Variants in INPP4A observed in about 807,000 individuals in gnomAD.
The protein encoded by INPP4A is inositol polyphosphate-4-phosphatase type I A.
In INPP4A, 33 loss-of-function variants were observed where a neutral mutation model predicts 119.8. The observed-to-expected ratio is 0.28, with a 90% CI of 0.21 to 0.37. The LOEUF is 0.37. Among genes scored for constraint, INPP4A ranks in the 10% least tolerant of loss-of-function variants. INPP4A has a pLI of 1.00. For synonymous variants in INPP4A, 496 were observed against 500.7 expected, an observed-to-expected ratio of 0.99 and a Z score of 0.12; for missense variants, 956 against 1,289.9, an observed-to-expected ratio of 0.74 and a Z score of 3.97.
chr2:98,471,145 G>T (rs1558895950), intron 1 of INPP4A, among the ~76,000 whole-genome samples: 1 of 152,162 alleles, frequency 6.6e-6, no homozygotes, highest in Non-Finnish European at 1.5e-5. Flanking sequence ...GGTGCCTCCT[G>T]TGTATATGAG....
intron 13 of INPP4A, among the ~76,000 whole-genome samples, chr2:98,549,462 G>A (rs540643217): frequency 6.6e-6 from 1 of 152,298 alleles, no homozygotes; most frequent in East Asian, 1.9e-4. Context: ...TTTTACCCCT[G>A]GGGGTGGGTA....
intron 1 of INPP4A, among the ~76,000 whole-genome samples, chr2:98,481,545 G>A (rs948470701): frequency 1.3e-5 from 2 of 152,132 alleles, no homozygotes; most frequent in African/African-American, 4.8e-5. Flanking sequence ...TATCTGAAGT[G>A]GTTTTAGATA....
intron 10 of INPP4A, among the ~76,000 whole-genome samples, chr2:98,542,648 T>G (rs986692340): frequency 2.0e-5 from 3 of 152,230 alleles, no homozygotes; most frequent in Admixed American, 1.3e-4. Context: ...TTTTCCTAAT[T>G]TGGTTATGCT....
intron 7 of INPP4A, 97 bp downstream of exon 7, chr2:98,536,305 T>C: frequency 1.3e-6 from 1 of 747,018 alleles, no homozygotes; most frequent in Non-Finnish European, 2.4e-6. Flanking sequence ...GAGAGCACCC[T>C]TCCCTTCCCA....
chr2:98,456,992 G>T (rs1355450970), intron 1 of INPP4A, among the ~76,000 whole-genome samples: 1 of 152,166 alleles, frequency 6.6e-6, no homozygotes, highest in Non-Finnish European at 1.5e-5. Flanking sequence ...ATGGTGAGTG[G>T]GTGGGTTTTT....
chr2:98,465,275 C>A (rs970316017), intron 1 of INPP4A, among the ~76,000 whole-genome samples: 15 of 152,272 alleles, frequency 9.9e-5, no homozygotes, highest in African/African-American at 3.6e-4. Flanking sequence ...GGCTGCCGGC[C>A]CCTTCCTCAT....
rs79736957 is a variant in INPP4A at position 98,560,005 on chromosome 2, A to G, written c.1855+510A>G. On this transcript the variant is annotated intron_variant, in intron 17 of 24. Transcript: ENST00000409851. Reference sequence around the variant, plus strand: ...ATAAATAATGTTTTGTTAGAAACCAACCTTGCCCACTTGTTCATGTATTGT... The same window carrying G: ...ATAAATAATGTTTTGTTAGAAACCAGCCTTGCCCACTTGTTCATGTATTGT... Among the ~76,000 whole-genome samples, 52 of 152,364 alleles carry G rather than the reference A, an allele frequency of 3.4e-4. No homozygotes were observed. In the East Asian group the frequency reaches 7.1e-3, roughly 21 times the overall value.
chr2:98,498,094 T>C (rs1157001293), intron 1 of INPP4A, among the ~76,000 whole-genome samples: 1 of 152,184 alleles, frequency 6.6e-6, no homozygotes, highest in South Asian at 2.1e-4. Context: ...GAAGGCATGA[T>C]TGGTTTTGAA....
intron 1 of INPP4A, among the ~76,000 whole-genome samples, chr2:98,517,639 G>T (rs1686401162): frequency 6.6e-6 from 1 of 152,144 alleles, no homozygotes; most frequent in Non-Finnish European, 1.5e-5. Flanking sequence ...GCTTTATTAT[G>T]ATCATTTTGA....
Position 98,555,659 on chromosome 2 carries a change from T to C in INPP4A, c.1673T>C (p.Phe558Ser), listed in dbSNP as rs1157091075. ...CATGGCGAGGGCTGTGAGGATGTCT[T>C]CCCCTGTGCAGGCAGCTGCACCAGC... ...RLHGEGCEDVFPCAGSCTSKK... is the reference protein window; with the variant it reads ...RLHGEGCEDVSPCAGSCTSKK... The change falls in exon 16 of 25, where the codon TTC becomes TCC. Residue 558 changes from phenylalanine (F) to serine (S), a missense_variant. Physicochemically the swap from Phe to Ser is radical, Grantham distance 155. Coordinates refer to ENST00000409851, the MANE Select transcript of INPP4A (RefSeq NM_001134225.2). The C allele has an allele frequency of 6.2e-7, 1 of 1,613,938 alleles. No homozygotes were observed. The highest frequency in any genetic ancestry group is 1.7e-5 in the Admixed American group (1 of 60,018).
At chr2:98,445,300 C>T (rs976684584) in intron 1 of INPP4A, among the ~76,000 whole-genome samples, 3 of 152,048 alleles carry the variant, frequency 2.0e-5, no homozygotes, top group African/African-American at 7.2e-5. Flanking sequence ...CCCCCAGCCC[C>T]GTGAAGACGC....
At chr2:98,499,538 T>C (rs1278474460) in intron 1 of INPP4A, among the ~76,000 whole-genome samples, 1 of 152,260 alleles carries the variant, frequency 6.6e-6, no homozygotes, top group African/African-American at 2.4e-5. Context: ...CTCCAAAATT[T>C]ATGCCTTAAA....
At chr2:98,548,694 A>G (rs1282824659) in intron 13 of INPP4A, among the ~76,000 whole-genome samples, 1 of 152,164 alleles carries the variant, frequency 6.6e-6, no homozygotes, top group African/African-American at 2.4e-5. Flanking sequence ...TATGGTATTC[A>G]TGATTTGAAC....
rs1477374351 is a variant in INPP4A at position 98,581,529 on chromosome 2, C to CT, written c.2786+4389dup. The CT allele has an allele frequency of 2.0e-6, 3 of 1,476,166 alleles. No homozygotes were observed. In the Admixed American group the frequency reaches 9.2e-5, roughly 45 times the overall value. The allele number at this position is 1,476,166 out of a possible 1,614,324, so 91.4% of individuals were successfully genotyped here. On this transcript the variant is annotated intron_variant, in intron 24 of 24. Transcript: ENST00000409851. ...CTTCTTTTTTTCTTTATTTTCTTTC[C>CT]TTTCCTTTTTCCTTTTTCTTTCTCC...
At chr2:98,493,733 G>A (rs1376049608) in intron 1 of INPP4A, among the ~76,000 whole-genome samples, 3 of 152,128 alleles carry the variant, frequency 2.0e-5, no homozygotes, top group Admixed American at 2.0e-4. Context: ...TGGGGAGGCA[G>A]AACTCTACAT....
In INPP4A at chr2:98,556,978, T is replaced by C. The variant is rs140677549; in HGVS notation, c.1822+1170T>C. Reference sequence around the variant, plus strand: ...ATGTGAATCGTGTTCCTTTTTAAAATTTTCTGAAAATTCATTGTTTATTTC... The same window carrying C: ...ATGTGAATCGTGTTCCTTTTTAAAACTTTCTGAAAATTCATTGTTTATTTC... On this transcript the variant is annotated intron_variant, in intron 16 of 24. Coordinates refer to ENST00000409851, the MANE Select transcript of INPP4A (RefSeq NM_001134225.2). 2.3e-3 allele frequency among the ~76,000 whole-genome samples: 344 copies of C among 152,360 alleles called. 2 individuals are homozygous for C. The highest frequency in any genetic ancestry group is 7.9e-3 in the African/African-American group (330 of 41,592).
rs1575212237 is a variant in INPP4A, at chr2:98,589,209, G to C, written c.*1601G>C. On this transcript the variant is annotated 3_prime_UTR_variant, in exon 25 of 25. Transcript: ENST00000409851. ...AAAGCTGAGTTCACTGTGGCAGGCA[G>C]GAAGCAGAGAAGCTCCTGCCCGCCA... 1.1e-5 allele frequency: 2 copies of C among 180,364 alleles called. No individual in the cohort carries two copies. The highest frequency in any genetic ancestry group is 1.8e-4 in the East Asian group (2 of 10,944). The allele number at this position is 180,364 out of a possible 1,614,324, so 11.2% of individuals were successfully genotyped here. A position where few individuals can be genotyped will look rare whatever the true frequency, so the allele number is the denominator to read the frequency against.
chr2:98,541,421 CTATA>C (rs1415902684), intron 10 of INPP4A, among the ~76,000 whole-genome samples: 2 of 151,816 alleles, frequency 1.3e-5, no homozygotes, highest in Non-Finnish European at 2.9e-5. Context: ...ATTGCTTTCT[CTATA>C]TATGCACATA....
rs572891192 is a variant in INPP4A at position 98,463,784 on chromosome 2, G to GT, written c.-166+18699_-166+18700insT. 7.7e-3 allele frequency among the ~76,000 whole-genome samples: 1,174 copies of GT among 152,314 alleles called. 8 individuals are homozygous for GT. Among genetic ancestry groups the GT allele is most frequent in the South Asian group, 0.024 (114 of 4,832 alleles). On this transcript the variant is annotated intron_variant, in intron 1 of 24. Transcript: ENST00000409851. ...GCAGACCAGAGCCATGAGCGTCCAT[G>GT]GTCAAGTGAAGGTCTGGTAGGTGTG...
Sources: allele counts gnomAD v4.1 joint callset (sites outside exome capture counted in the v4.1 genomes callset), GRCh38; gene constraint gnomAD v4.1.1; transcripts MANE v1.5; gene names NCBI Gene and HGNC (gene_info 2026-07-23, HGNC 2026-07-21).